Variants in RAB1B observed in about 807,000 individuals in gnomAD.
RAB1B encodes the protein RAB1B, member RAS oncogene family.
RAB1B carries 10 observed loss-of-function variants against 24.8 expected under a neutral mutation model. That is an observed-to-expected ratio of 0.40 (90% confidence interval 0.25 to 0.68). The LOEUF (loss-of-function observed/expected upper bound fraction) is 0.68. Among genes scored for constraint, RAB1B ranks in the 30% least tolerant of loss-of-function variants. The probability of loss-of-function intolerance (pLI) is 0.37; values close to 1 mark genes in which losing one functional copy is unlikely to be tolerated. For synonymous variants in RAB1B, 99 were observed against 111.7 expected, an observed-to-expected ratio of 0.89 and a Z score of 0.72; for missense variants, 154 against 271.2, an observed-to-expected ratio of 0.57 and a Z score of 3.04.
chr11:66,271,488 C>CAA lies in RAB1B; in HGVS notation c.15-284_15-283dup, dbSNP rs71270565. On this transcript the variant is annotated intron_variant, in intron 1 of 5. Coordinates refer to ENST00000311481, the MANE Select transcript of RAB1B (RefSeq NM_030981.3). ...GGGCAACAAGAGCAAAACTCAGTCT[C>CAA]AAAAAAAAAAAAAAAAAAAAAAAAA... 292 of 48,428 alleles carry CAA rather than the reference C, an allele frequency of 6.0e-3. 3 individuals carry two copies. The highest frequency in any genetic ancestry group is 0.024 in the South Asian group (70 of 2,938). The allele number at this position is 48,428 out of a possible 1,614,324, so 3.0% of individuals were successfully genotyped here.
chr11:66,273,481 A>G (rs1565181812), intron 4 of RAB1B, among the ~76,000 whole-genome samples: 1 of 152,160 alleles, frequency 6.6e-6, no homozygotes. Context: ...CCCGCTCCTC[A>G]GTCTCCTGCA....
chr11:66,274,042 A>G (rs1857102970), intron 4 of RAB1B, among the ~76,000 whole-genome samples: 1 of 152,116 alleles, frequency 6.6e-6, no homozygotes, highest in African/African-American at 2.4e-5. Flanking sequence ...TGGTGTGATC[A>G]TAGCTCATTG....
chr11:66,268,816 C>A, intron 1 of RAB1B, 123 bp downstream of exon 1: 1 of 896,230 alleles, frequency 1.1e-6, no homozygotes, highest in Non-Finnish European at 1.4e-6. Flanking sequence ...GGTCCCTCTT[C>A]CGCTGACCCC....
chr11:66,271,483 A>T (rs909520495), intron 1 of RAB1B: 8 of 175,350 alleles, frequency 4.6e-5, no homozygotes, highest in African/African-American at 2.3e-4. Flanking sequence ...AGCAAAACTC[A>T]GTCTCAAAAA....
chr11:66,274,759 C>T (rs901293636), intron 4 of RAB1B, among the ~76,000 whole-genome samples: 56 of 137,320 alleles, frequency 4.1e-4, no homozygotes, highest in African/African-American at 1.2e-3. Context: ...CCTCCCCACT[C>T]CCCCATTCCC....
intron 4 of RAB1B, among the ~76,000 whole-genome samples, chr11:66,274,894 C>A (rs1181812775): frequency 6.6e-6 from 1 of 151,926 alleles, no homozygotes; most frequent in Non-Finnish European, 1.5e-5. Flanking sequence ...CCAGCTGGCA[C>A]CTCTCCTGCA....
chr11:66,275,910 A>C lies in RAB1B; in HGVS notation c.386A>C (p.Lys129Thr), dbSNP rs1473783216. The C allele has an allele frequency of 1.2e-6, 2 of 1,611,308 alleles. No individual in the cohort carries two copies. The highest frequency in any genetic ancestry group is 1.7e-6 in the Non-Finnish European group (2 of 1,179,214). ...VGNKSDLTTK[K>T]VVDNTTAKEF... is the part of the protein sequence containing the mutation. ...AACAAGAGCGACCTCACCACCAAGA[A>C]GGTGGTGGACAACACCACAGCCAAG... is the stretch of plus-strand genomic sequence containing the variant. Residue 129 changes from lysine to threonine, a missense_variant, in exon 5 of 6, where the codon AAG (lysine) becomes ACG (threonine). By Grantham distance (78) the Lys-to-Thr change is moderately conservative. Around this residue, in one of 2 missense-constraint regions of RAB1B, gnomAD observed 77 missense variants for 173.4 expected, o/e 0.44. Coordinates refer to ENST00000311481, the MANE Select transcript of RAB1B (RefSeq NM_030981.3).
At chr11:66,271,060 G>A (rs1857048925) in intron 1 of RAB1B, 1 of 152,252 alleles carries the variant, frequency 6.6e-6, no homozygotes, top group Admixed American at 6.5e-5. Context: ...CTAAACCAAG[G>A]GATGGCCAGG....
In RAB1B at chr11:66,271,684, A is replaced by T. The variant is rs1857060531; in HGVS notation, c.15-113A>T. 8 of 743,142 alleles carry T rather than the reference A, an allele frequency of 1.1e-5. No homozygotes were observed. The South Asian group carries it at 1.1e-4, about 10-fold the overall frequency. The allele number at this position is 743,142 out of a possible 1,614,324, so 46.0% of individuals were successfully genotyped here. A position where few individuals can be genotyped will look rare whatever the true frequency, so the allele number is the denominator to read the frequency against. On this transcript the variant is annotated intron_variant, in intron 1 of 5. Coordinates refer to ENST00000311481, the MANE Select transcript of RAB1B (RefSeq NM_030981.3). ...AGACCTTATTGCTAAAAAAAAAATA[A>T]AAATAAACCAAGGGATGCCTCATGG...
intron 4 of RAB1B, among the ~76,000 whole-genome samples, chr11:66,273,602 T>G (rs1046121294): frequency 6.6e-6 from 1 of 152,222 alleles, no homozygotes; most frequent in Non-Finnish European, 1.5e-5. Context: ...CTTACTCTTG[T>G]GCATGGCTGC....
chr11:66,272,118 C>T (rs1163716678), intron 2 of RAB1B, 39 bp from the exon 3 acceptor site: 1 of 1,461,348 alleles, frequency 6.8e-7, no homozygotes, highest in African/African-American at 1.4e-5. Flanking sequence ...GGCCTCACCT[C>T]ATTAACTCCC....
At chr11:66,273,871 T>C (rs1251113759) in intron 4 of RAB1B, among the ~76,000 whole-genome samples, 2 of 152,180 alleles carry the variant, frequency 1.3e-5, no homozygotes, top group Non-Finnish European at 2.9e-5. Context: ...TCTTGGCTTT[T>C]GAGCACACCC....
In RAB1B at chr11:66,276,346, C is replaced by T. The variant is rs1857145568; in HGVS notation, c.*108C>T. ...TCTCCTGGGGCATTTGAGTCTGTGG[C>T]TTTGGGGTGTCCTGGGCTCCCCATC... On this transcript the variant is annotated 3_prime_UTR_variant, in exon 6 of 6. Transcript: ENST00000311481. 3 of 1,122,218 alleles carry T rather than the reference C, an allele frequency of 2.7e-6. No individual in the cohort carries two copies. The Admixed American group carries it at 9.1e-5, about 34-fold the overall frequency. 69.5% of individuals were successfully genotyped at this position (1,122,218 alleles called of 1,614,324 possible). A position where few individuals can be genotyped will look rare whatever the true frequency, so the allele number is the denominator to read the frequency against.
chr11:66,274,977 C>G (rs892851732), intron 4 of RAB1B, among the ~76,000 whole-genome samples: 1 of 152,022 alleles, frequency 6.6e-6, no homozygotes, highest in Non-Finnish European at 1.5e-5. Flanking sequence ...CTGGGGGCTC[C>G]CCAGCCCCTG....
intron 1 of RAB1B, among the ~76,000 whole-genome samples, chr11:66,269,287 C>T (rs1308521122): frequency 2.0e-5 from 3 of 152,164 alleles, no homozygotes; most frequent in African/African-American, 7.2e-5. Context: ...TCCCGCCGGT[C>T]CGTCCTTTCC....
intron 1 of RAB1B, among the ~76,000 whole-genome samples, chr11:66,269,401 C>G (rs554178006): frequency 6.6e-6 from 1 of 152,230 alleles, no homozygotes; most frequent in Admixed American, 6.5e-5. Context: ...AATTTGCTCT[C>G]CCCCTTCCTG....
At chr11:66,271,921 G>A in intron 2 of RAB1B, 52 bp downstream of exon 2, 1 of 1,429,446 alleles carries the variant, frequency 7.0e-7, no homozygotes, top group Non-Finnish European at 9.9e-7. Context: ...CTGGCAGCTG[G>A]GGGGAGAAGG....
chr11:66,268,765 TG>T, intron 1 of RAB1B, 72 bp downstream of exon 1: 1 of 1,475,968 alleles, frequency 6.8e-7, no homozygotes, highest in Non-Finnish European at 9.1e-7. Flanking sequence ...TTACCGGGGT[TG>T]TCTGGCCCGG....
chr11:66,269,972 T>C (rs1183773542), intron 1 of RAB1B: 1 of 152,144 alleles, frequency 6.6e-6, no homozygotes, highest in Non-Finnish European at 1.5e-5. Context: ...ACTCTTGGGC[T>C]GAAGCAGTCC....
Sources: gnomAD v4.1 joint callset for allele counts (sites outside exome capture counted in the v4.1 genomes callset) on GRCh38, gnomAD v4.1.1 for gene constraint, gnomAD v4.1.1 regional missense constraint, MANE v1.5 for transcripts, NCBI Gene and HGNC (gene_info 2026-07-23, HGNC 2026-07-21) for gene names.